The following SLC25A21 variants were observed in gnomAD, a reference collection of about 807,000 sequenced individuals.
SLC25A21 encodes mitochondrial 2-oxodicarboxylate carrier.
Under a neutral mutation model 43.8 loss-of-function variants are expected in SLC25A21, and 47 were observed. The observed-to-expected ratio is 1.07, with a 90% CI of 0.85 to 1.37. The LOEUF (loss-of-function observed/expected upper bound fraction) is 1.37. SLC25A21 is among the 40% of genes most tolerant of loss of function. The probability of loss-of-function intolerance (pLI) is 0.00; values close to 1 mark genes in which losing one functional copy is unlikely to be tolerated. For missense variants in SLC25A21, 352 were observed against 350.2 expected, an observed-to-expected ratio of 1.00 and a Z score of -0.04; for synonymous variants, 131 against 121.3, an observed-to-expected ratio of 1.08 and a Z score of -0.52.
chr14:37,030,018 G>A (rs1019688681), intron 1 of SLC25A21, among the ~76,000 whole-genome samples: 6 of 152,014 alleles, frequency 3.9e-5, no homozygotes, highest in Admixed American at 3.9e-4. Context: ...GCCTGCCTTG[G>A]CTTCCCAAAG....
At chr14:37,165,256 A>G (rs1198273437) in intron 1 of SLC25A21, among the ~76,000 whole-genome samples, 1 of 152,160 alleles carries the variant, frequency 6.6e-6, no homozygotes, top group Admixed American at 6.5e-5. Flanking sequence ...GGGTGCCTAT[A>G]ATCCCAGCTA....
intron 1 of SLC25A21, among the ~76,000 whole-genome samples, chr14:37,045,293 T>C (rs1961563950): frequency 6.6e-6 from 1 of 152,170 alleles, no homozygotes; most frequent in Non-Finnish European, 1.5e-5. Context: ...ATGACTACAA[T>C]TACGAAGGAG....
chr14:36,984,025 G>A (rs1182535809), intron 1 of SLC25A21, among the ~76,000 whole-genome samples: 1 of 152,146 alleles, frequency 6.6e-6, no homozygotes, highest in Admixed American at 6.5e-5. Context: ...ATTACCTATT[G>A]GGTATAATAT....
chr14:36,959,317 TACTC>T (rs1009250045), intron 1 of SLC25A21, among the ~76,000 whole-genome samples: 11 of 152,304 alleles, frequency 7.2e-5, no homozygotes, highest in Non-Finnish European at 1.2e-4. Context: ...TATCTGATCT[TACTC>T]ACTCAAATCA....
intron 1 of SLC25A21, among the ~76,000 whole-genome samples, chr14:36,984,968 C>T (rs1226621440): frequency 1.3e-5 from 2 of 151,098 alleles, no homozygotes; most frequent in African/African-American, 4.9e-5. Flanking sequence ...AAATGTGGCA[C>T]ATATACACCA....
At chr14:37,140,978 T>A (rs1566909309) in intron 1 of SLC25A21, among the ~76,000 whole-genome samples, 1 of 152,132 alleles carries the variant, frequency 6.6e-6, no homozygotes, top group Non-Finnish European at 1.5e-5. Flanking sequence ...AAATTCCGTC[T>A]CTACAAATAA....
rs1882020759 is a variant in SLC25A21 at position 36,678,559 on chromosome 14, C to T, written c.*2099G>A. The T allele has an allele frequency of 4.6e-6, 7 of 1,535,744 alleles. No individual in the cohort carries two copies. The South Asian group carries it at 7.2e-5, about 16-fold the overall frequency. ...TATTTTGGTGGAGACTTCTTTAAAA[C>T]CATACCATACAGGGACTCTCCTGTC... is the stretch of plus-strand genomic sequence containing the variant. On this transcript the variant is annotated 3_prime_UTR_variant, in exon 10 of 10. Transcript: ENST00000331299.
intron 3 of SLC25A21, among the ~76,000 whole-genome samples, chr14:36,798,663 G>A (rs1014681933): frequency 6.6e-6 from 1 of 151,778 alleles, no homozygotes. Context: ...TTAGAAGGCT[G>A]GTAAAGAAAA....
chr14:36,934,754 C>T (rs1386673532), intron 1 of SLC25A21, among the ~76,000 whole-genome samples: 1 of 151,896 alleles, frequency 6.6e-6, no homozygotes, highest in Admixed American at 6.6e-5. Flanking sequence ...AGAAGAAGGG[C>T]TGAGATTTTT....
intron 3 of SLC25A21, among the ~76,000 whole-genome samples, chr14:36,764,750 C>T (rs1886348118): frequency 6.6e-6 from 1 of 152,138 alleles, no homozygotes; most frequent in Admixed American, 6.5e-5. Context: ...ACTCCATCAG[C>T]AGGGGAGGCA....
Position 36,772,277 on chromosome 14 carries a change from C to T in SLC25A21, c.204-37704G>A, listed in dbSNP as rs1033281263. ...TTTAAATTTAAAATCTCATTCAGACCTTCCAAAACACGTTTGTAAATCCTT... is the reference window on the plus strand; with the variant it reads ...TTTAAATTTAAAATCTCATTCAGACTTTCCAAAACACGTTTGTAAATCCTT... On this transcript the variant is annotated intron_variant, in intron 3 of 9. Transcript: ENST00000331299. Among the ~76,000 whole-genome samples the T allele has an allele frequency of 2.6e-5, 4 of 152,128 alleles. No individual in the cohort carries two copies. The South Asian group carries it at 8.3e-4, about 32-fold the overall frequency.
chr14:37,065,701 C>T (rs1026106819), intron 1 of SLC25A21, among the ~76,000 whole-genome samples: 1 of 152,090 alleles, frequency 6.6e-6, no homozygotes, highest in Non-Finnish European at 1.5e-5. Flanking sequence ...AATGTGCAGA[C>T]TGAATTTACA....
chr14:36,787,245 T>C (rs1184962925), intron 3 of SLC25A21, among the ~76,000 whole-genome samples: 1 of 152,182 alleles, frequency 6.6e-6, no homozygotes, highest in East Asian at 1.9e-4. Flanking sequence ...TCTTGAAATA[T>C]ACTCTACTCA....
At chr14:36,750,212 T>G (rs1434695390) in intron 3 of SLC25A21, among the ~76,000 whole-genome samples, 1 of 152,216 alleles carries the variant, frequency 6.6e-6, no homozygotes, top group Non-Finnish European at 1.5e-5. Context: ...ATGTCCATTT[T>G]TTTTCTGGTT....
At chr14:36,727,957 T>C (rs900614045) in intron 5 of SLC25A21, among the ~76,000 whole-genome samples, 81 of 152,290 alleles carry the variant, frequency 5.3e-4, no homozygotes, top group African/African-American at 1.8e-3. Context: ...ACTTACTCTA[T>C]GCAATCTTCC....
chr14:36,849,507 A>G (rs999398102), intron 2 of SLC25A21, among the ~76,000 whole-genome samples: 4 of 152,256 alleles, frequency 2.6e-5, no homozygotes, highest in Admixed American at 6.5e-5. Context: ...TCCAGTTGAC[A>G]TAAATTATTT....
At chr14:36,874,705 G>C (rs578240888) in intron 2 of SLC25A21, among the ~76,000 whole-genome samples, 1 of 152,250 alleles carries the variant, frequency 6.6e-6, no homozygotes, top group East Asian at 1.9e-4. Flanking sequence ...TACCAATATA[G>C]CTACAAATCA....
At chr14:37,091,572 G>A (rs562728548) in intron 1 of SLC25A21, among the ~76,000 whole-genome samples, 2 of 152,212 alleles carry the variant, frequency 1.3e-5, no homozygotes, top group Non-Finnish European at 2.9e-5. Flanking sequence ...GTATGACAAC[G>A]GAAACAGGAA....
intron 1 of SLC25A21, among the ~76,000 whole-genome samples, chr14:37,088,351 G>C (rs1962523793): frequency 6.6e-6 from 1 of 152,142 alleles, no homozygotes; most frequent in African/African-American, 2.4e-5. Flanking sequence ...ACAAAGTAAA[G>C]ATAAGTAATA....
Sources: allele counts gnomAD v4.1 joint callset (sites outside exome capture counted in the v4.1 genomes callset), GRCh38; gene constraint gnomAD v4.1.1; transcripts MANE v1.5; gene names NCBI Gene and HGNC (gene_info 2026-07-23, HGNC 2026-07-21).